The following ZSWIM5 variants were observed in gnomAD, a reference collection of about 807,000 sequenced individuals.
ZSWIM5 encodes the protein zinc finger SWIM-type containing 5.
In ZSWIM5, 55 loss-of-function variants were observed where a neutral mutation model predicts 119.6. The observed-to-expected ratio is 0.46, with a 90% CI of 0.37 to 0.58. The LOEUF is 0.58. ZSWIM5 is among the 20% of genes least tolerant of loss of function. The pLI is 0.00. For missense variants in ZSWIM5, 1,193 were observed against 1,512.8 expected, an observed-to-expected ratio of 0.79 and a Z score of 3.51; for synonymous variants, 537 against 606.9, an observed-to-expected ratio of 0.88 and a Z score of 1.69.
intron 4 of ZSWIM5, among the ~76,000 whole-genome samples, chr1:45,055,679 A>G (rs955503241): frequency 3.3e-5 from 5 of 152,232 alleles, no homozygotes; most frequent in African/African-American, 1.2e-4. Context: ...TCATTTAGGT[A>G]GAGAACGTAA....
At chr1:45,150,002 C>A (rs980939923) in intron 1 of ZSWIM5, among the ~76,000 whole-genome samples, 1 of 151,480 alleles carries the variant, frequency 6.6e-6, no homozygotes, top group African/African-American at 2.4e-5. Context: ...GACCACATCT[C>A]TACAAAAAAA....
At chr1:45,067,758 A>C (rs1229651197) in intron 2 of ZSWIM5, among the ~76,000 whole-genome samples, 2 of 152,316 alleles carry the variant, frequency 1.3e-5, no homozygotes, top group South Asian at 4.1e-4. Context: ...TTAGTTTAAA[A>C]ATCAAATTAA....
chr1:45,199,988 G>A (rs1462915771), intron 1 of ZSWIM5, among the ~76,000 whole-genome samples: 1 of 152,162 alleles, frequency 6.6e-6, no homozygotes, highest in Non-Finnish European at 1.5e-5. Flanking sequence ...TTTTATCTAT[G>A]TAATGCTTTA....
intron 5 of ZSWIM5, among the ~76,000 whole-genome samples, chr1:45,045,060 GT>G (rs1645045995): frequency 6.7e-6 from 1 of 149,944 alleles, no homozygotes; most frequent in South Asian, 2.1e-4. Context: ...TCTCACTGGA[GT>G]CTTATCTTAC....
intron 1 of ZSWIM5, among the ~76,000 whole-genome samples, chr1:45,180,385 G>A (rs1200231007): frequency 2.6e-5 from 4 of 152,172 alleles, no homozygotes; most frequent in Admixed American, 6.5e-5. Flanking sequence ...GGGGAGGGGC[G>A]CCTGCCATTG....
In ZSWIM5 at chr1:45,206,455, G is replaced by C; in HGVS notation, c.-105C>G. On this transcript the variant is annotated 5_prime_UTR_variant, in exon 1 of 14. Coordinates refer to ENST00000359600, the MANE Select transcript of ZSWIM5 (RefSeq NM_020883.2). ...CGCGCAAGCGCCCAGCGGTGGCGCC[G>C]AGGGGGGCGGGGCGAGAGAACCCGC... 1 of 1,217,240 alleles carries C rather than the reference G, an allele frequency of 8.2e-7. No homozygotes were observed. Among genetic ancestry groups the C allele is most frequent in the Non-Finnish European group, 1.0e-6 (1 of 979,168 alleles). 75.4% of individuals were successfully genotyped at this position (1,217,240 alleles called of 1,614,324 possible).
chr1:45,018,811 ACT>A lies in ZSWIM5; in HGVS notation c.3199_3200del (p.Ser1067CysfsTer37). Reference sequence around the variant, plus strand: ...CTGAAAGCACTGTGGCACAGTGCACACTCTTCACCACCAGGGGGATGAGAGCT... The same window carrying A: ...CTGAAAGCACTGTGGCACAGTGCACACTTCACCACCAGGGGGATGAGAGCT... Reference protein sequence around the residue: ...LAALIPLVVKSVHCATVLSDI... With the variant: ...LAALIPLVVKXVHCATVLSDI... On this transcript the variant is annotated frameshift_variant, in exon 14 of 14. Coordinates refer to ENST00000359600, the MANE Select transcript of ZSWIM5 (RefSeq NM_020883.2). LOFTEE classifies it high-confidence loss of function. This position sits in a 1 kb window ranked among gnomAD's most constrained non-coding sequence, Gnocchi z 6.7. 6.2e-7 allele frequency: 1 copy of A among 1,614,138 alleles called. No homozygotes were observed. Among genetic ancestry groups the A allele is most frequent in the Non-Finnish European group, 8.5e-7 (1 of 1,180,004 alleles).
chr1:45,105,025 C>A (rs948781630), intron 1 of ZSWIM5, among the ~76,000 whole-genome samples: 1 of 152,230 alleles, frequency 6.6e-6, no homozygotes, highest in Non-Finnish European at 1.5e-5. Flanking sequence ...ATCTTCGGCT[C>A]GCCGCAACCT....
intron 1 of ZSWIM5, among the ~76,000 whole-genome samples, chr1:45,120,147 T>C (rs192199644): frequency 2.0e-5 from 3 of 152,208 alleles, no homozygotes; most frequent in Admixed American, 6.5e-5. Flanking sequence ...CATTCTAGAC[T>C]AGCCTGGCCA....
intron 2 of ZSWIM5, among the ~76,000 whole-genome samples, chr1:45,068,505 A>AC: frequency 6.6e-6 from 1 of 151,750 alleles, no homozygotes. Context: ...TCAAAAAAAA[A>AC]AAATTAATGT....
chr1:45,034,918 A>T (rs1644973876), intron 10 of ZSWIM5, among the ~76,000 whole-genome samples: 1 of 151,996 alleles, frequency 6.6e-6, no homozygotes, highest in Non-Finnish European at 1.5e-5. Context: ...AGTAGCTGGG[A>T]CTTCAGGTGT....
chr1:45,168,500 TTA>T (rs1491368533), intron 1 of ZSWIM5, among the ~76,000 whole-genome samples: 2 of 144,436 alleles, frequency 1.4e-5, no homozygotes, highest in Non-Finnish European at 3.1e-5. Flanking sequence ...TATATTTTTT[TTA>T]AAAAATACAA....
chr1:45,115,781 G>GC (rs1307247985), intron 1 of ZSWIM5, among the ~76,000 whole-genome samples: 6 of 150,568 alleles, frequency 4.0e-5, no homozygotes, highest in Non-Finnish European at 8.9e-5. Context: ...GGGCGGCCAG[G>GC]CAGAGGGGCT....
Position 45,088,105 on chromosome 1 carries a change from A to C in ZSWIM5, c.728T>G (p.Phe243Cys). Residue 243 changes from phenylalanine to cysteine, a missense_variant, in exon 2 of 14, where the codon TTC (phenylalanine) becomes TGC (cysteine). This residue lies in a region of ZSWIM5 where 961 missense variants were observed against 1,290.0 expected (regional missense o/e 0.74). Coordinates refer to ENST00000359600, the MANE Select transcript of ZSWIM5 (RefSeq NM_020883.2). The surrounding 1 kb of genome is among the most constrained non-coding windows in gnomAD (Gnocchi z 4.2). The stretch of plus-strand genomic sequence containing the variant: ...GAGTGCTACCACATGGGCACAGTAG[A>C]ATATGTCCTTGTTCCCACAGCCACA... ...VTCGCGNKDI[F>C]YCAHVVALSL... The C allele has an allele frequency of 6.2e-7, 1 of 1,614,204 alleles. No homozygotes were observed. Among genetic ancestry groups the C allele is most frequent in the Non-Finnish European group, 8.5e-7 (1 of 1,180,036 alleles).
intron 2 of ZSWIM5, chr1:45,070,301 G>A (rs1044004621): frequency 1.1e-5 from 16 of 1,444,700 alleles, no homozygotes; most frequent in East Asian, 4.6e-5. Context: ...CTCTGGTGAT[G>A]AGGAAGTAAG....
intron 1 of ZSWIM5, among the ~76,000 whole-genome samples, chr1:45,165,326 G>C (rs1351358173): frequency 1.3e-5 from 2 of 152,104 alleles, no homozygotes; most frequent in Admixed American, 6.5e-5. Context: ...AGTGTGTAGA[G>C]GGAAATTTAC....
chr1:45,198,785 G>C (rs1646141066), intron 1 of ZSWIM5, among the ~76,000 whole-genome samples: 1 of 152,116 alleles, frequency 6.6e-6, no homozygotes, highest in South Asian at 2.1e-4. Context: ...TGAATTCCTA[G>C]GACCTTCATT....
chr1:45,168,664 CAAAAAAAAAAA>C (rs1024002696), intron 1 of ZSWIM5, among the ~76,000 whole-genome samples: 51 of 39,226 alleles, frequency 1.3e-3, no homozygotes, highest in Non-Finnish European at 2.4e-3. Flanking sequence ...GACTCCATCT[CAAAAAAAAAAA>C]AAAAAAAAAA....
intron 1 of ZSWIM5, among the ~76,000 whole-genome samples, chr1:45,095,609 T>A (rs1446656664): frequency 6.6e-6 from 1 of 152,218 alleles, no homozygotes; most frequent in East Asian, 1.9e-4. Context: ...CTGAAATTAC[T>A]TCACAGGCTG....
Sources: allele counts gnomAD v4.1 joint callset (sites outside exome capture counted in the v4.1 genomes callset), GRCh38; gene constraint gnomAD v4.1.1; regional missense constraint gnomAD v4.1.1; non-coding constraint Gnocchi (gnomAD v3.1); transcripts MANE v1.5; gene names NCBI Gene and HGNC (gene_info 2026-07-23, HGNC 2026-07-21).